The following MADD variants were observed in gnomAD, a reference collection of about 807,000 sequenced individuals.
MADD encodes the protein MAP kinase activating death domain, also known as MAP kinase-activating death domain protein.
Under a neutral mutation model 176.7 loss-of-function variants are expected in MADD, and 109 were observed. The ratio of observed to expected loss-of-function variants is 0.62; its 90% CI spans 0.53 to 0.72. The LOEUF (loss-of-function observed/expected upper bound fraction) is 0.72, where lower values mean the gene tolerates loss of function less well. Ranked by LOEUF, MADD falls within the 30% of genes least tolerant of loss-of-function variation. MADD has a pLI of 0.00. For missense variants in MADD, 1,914 were observed against 2,045.5 expected, an observed-to-expected ratio of 0.94 and a Z score of 1.24; for synonymous variants, 771 against 771.3, an observed-to-expected ratio of 1.00 and a Z score of 0.01.
chr11:47,317,272 TACTGTGA>T (rs1565539971), intron 27 of MADD, among the ~76,000 whole-genome samples: 1 of 152,228 alleles, frequency 6.6e-6, no homozygotes, highest in African/African-American at 2.4e-5. Context: ...CTGATAGTCA[TACTGTGA>T]ATGATGCTGT....
intron 7 of MADD, among the ~76,000 whole-genome samples, chr11:47,281,363 T>G (rs2056555810): frequency 6.6e-6 from 1 of 152,246 alleles, no homozygotes; most frequent in African/African-American, 2.4e-5. Flanking sequence ...AACTGTTTTC[T>G]AAAGGCTAGA....
At chr11:47,310,450 C>T (rs2140928946) in intron 25 of MADD, among the ~76,000 whole-genome samples, 1 of 152,216 alleles carries the variant, frequency 6.6e-6, no homozygotes, top group African/African-American at 2.4e-5. Context: ...TCCCAAAGTG[C>T]TGGGATTACA....
Position 47,307,214 on chromosome 11 carries a change from A to G in MADD, c.3643-1377A>G, listed in dbSNP as rs569908477. Among the ~76,000 whole-genome samples the G allele has an allele frequency of 3.3e-5, 5 of 152,272 alleles. No homozygotes were observed. In the East Asian group the frequency reaches 9.6e-4, roughly 29 times the overall value. On this transcript the variant is annotated intron_variant, in intron 22 of 32. Coordinates refer to ENST00000402192, the Ensembl canonical transcript of MADD. ...TAGATGTGAGCTATCATGCCTGGCC[A>G]AAGTGAGCTGCTTTAATAAGAGTAT...
At chr11:47,286,887 AGCTGGCCC>A in intron 15 of MADD, among the ~76,000 whole-genome samples, 1 of 152,160 alleles carries the variant, frequency 6.6e-6, no homozygotes, top group Admixed American at 6.5e-5. Context: ...CGTGCCAAGG[AGCTGGCCC>A]ACCAGAGAAT....
At chr11:47,312,088 G>A (rs1182274347) in intron 26 of MADD, among the ~76,000 whole-genome samples, 1 of 152,182 alleles carries the variant, frequency 6.6e-6, no homozygotes, top group Non-Finnish European at 1.5e-5. Flanking sequence ...ATTCTAAAAT[G>A]TTATTTGCTG....
chr11:47,322,967 G>A (rs546473292), intron 27 of MADD, among the ~76,000 whole-genome samples: 2 of 152,264 alleles, frequency 1.3e-5, no homozygotes, highest in African/African-American at 4.8e-5. Context: ...GCCGGGCGCG[G>A]TGGCTCACGC....
chr11:47,290,286 C>T (rs2064016985), exon 18 of MADD: 1 of 1,613,874 alleles, frequency 6.2e-7, no homozygotes, highest in South Asian at 1.1e-5. Context: ...CCCAGACCCA[C>T]TACTATAGTA....
rs561501562 is a variant in MADD, at chr11:47,328,990, C to T, written c.4660-56C>T. ...GAGTTGCCCATTGGCAGATCCTTCA[C>T]ATATGGAGATGGAGGAGTCTCAGTA... On this transcript the variant is annotated intron_variant, in intron 32 of 32. Coordinates refer to ENST00000402192, the Ensembl canonical transcript of MADD. 67 of 1,402,216 alleles carry T rather than the reference C, an allele frequency of 4.8e-5. 1 individual carries two copies. The highest frequency in any genetic ancestry group is 1.4e-4 in the South Asian group (12 of 86,762). The allele number at this position is 1,402,216 out of a possible 1,614,324, so 86.9% of individuals were successfully genotyped here.
intron 30 of MADD, chr11:47,324,813 G>A (rs2095215845): frequency 1.5e-6 from 1 of 666,280 alleles, no homozygotes; most frequent in African/African-American, 1.8e-5. Flanking sequence ...GCAGGAGCGA[G>A]GCCAGGTGGC....
chr11:47,293,166 C>T (rs1024547288), intron 19 of MADD, among the ~76,000 whole-genome samples: 2 of 152,130 alleles, frequency 1.3e-5, no homozygotes, highest in Non-Finnish European at 2.9e-5. Context: ...CGGGCCCAAC[C>T]TTTTCTACCT....
In MADD at chr11:47,282,371, G is replaced by A. The variant is rs752236023; in HGVS notation, c.1470-10G>A. ...TGGGTCTCAGATTATCTCATCATCT[G>A]CTTCCCCAGGGTTGCCATGGTACGG... On this transcript the variant is annotated splice_polypyrimidine_tract_variant and intron_variant, in intron 8 of 32. Transcript: ENST00000402192. 7.4e-6 allele frequency: 12 copies of A among 1,611,626 alleles called. No homozygotes were observed. In the South Asian group the frequency reaches 1.2e-4, roughly 16 times the overall value.
chr11:47,271,589 C>A (rs969991968), intron 1 of MADD, among the ~76,000 whole-genome samples: 1 of 152,104 alleles, frequency 6.6e-6, no homozygotes, highest in African/African-American at 2.4e-5. Context: ...CAGGCCTGAT[C>A]TTTGAGATTT....
At chr11:47,282,441 G>A (rs760104559) in exon 9 of MADD, 16 of 1,614,034 alleles carry the variant, frequency 9.9e-6, no homozygotes, top group African/African-American at 2.7e-5. Context: ...AGATGCACAC[G>A]CGTACCCTGC....
chr11:47,288,776 G>A (rs1474244040), intron 15 of MADD, among the ~76,000 whole-genome samples, 192 bp from the exon 16 acceptor site: 2 of 152,188 alleles, frequency 1.3e-5, no homozygotes, highest in Non-Finnish European at 2.9e-5. Flanking sequence ...AGTTTTAAGG[G>A]TGGTCTTTTC....
chr11:47,269,755 GTGGGGGGTGGGGAC>G (rs1001453623), upstream of MADD: 5 of 151,982 alleles, frequency 3.3e-5, no homozygotes, highest in Non-Finnish European at 5.9e-5. Flanking sequence ...AAGCGCGTGA[GTGGGGGGTGGGGAC>G]TGGGGGATGG....
chr11:47,329,157 G>A, exon 33 of MADD: 1 of 1,609,400 alleles, frequency 6.2e-7, no homozygotes, highest in Non-Finnish European at 8.5e-7. Flanking sequence ...CTGATGGAGA[G>A]GGGCTACGCA....
At chr11:47,281,906 C>T (rs1320044185) in intron 8 of MADD, among the ~76,000 whole-genome samples, 153 bp downstream of exon 8, 1 of 134,082 alleles carries the variant, frequency 7.5e-6, no homozygotes, top group Non-Finnish European at 1.5e-5. Context: ...ATAATCTCAG[C>T]TCACTGCAAC....
exon 14 of MADD, chr11:47,285,577 C>T (rs1415164658): frequency 1.9e-6 from 3 of 1,614,130 alleles, no homozygotes; most frequent in Non-Finnish European, 2.5e-6. Context: ...TCGGGGGCAT[C>T]ATGTCTTTTG....
At chr11:47,311,940 T>C (rs1262569411) in intron 26 of MADD, 98 bp downstream of exon 29, 4 of 712,790 alleles carry the variant, frequency 5.6e-6, no homozygotes, top group Non-Finnish European at 9.8e-6. Context: ...AATGGAGCAG[T>C]TGTCTTTGAC....
Sources: gnomAD v4.1 joint callset for allele counts (sites outside exome capture counted in the v4.1 genomes callset) on GRCh38, gnomAD v4.1.1 for gene constraint, MANE v1.5 for transcripts, NCBI Gene and HGNC (gene_info 2026-07-23, HGNC 2026-07-21) for gene names.